KCNB2: variants seen among roughly 807,000 people sequenced by gnomAD.
KCNB2 encodes delayed rectifier potassium channel protein.
Under a neutral mutation model 61.5 loss-of-function variants are expected in KCNB2, and 15 were observed. That is an observed-to-expected ratio of 0.24 (90% CI 0.16 to 0.38). The LOEUF (loss-of-function observed/expected upper bound fraction) is 0.38, where lower values mean the gene tolerates loss of function less well. KCNB2 is among the 10% of genes least tolerant of loss of function. KCNB2 has a pLI of 1.00. For synonymous variants in KCNB2, 457 were observed against 446.0 expected, an observed-to-expected ratio of 1.02 and a Z score of -0.31; for missense variants, 828 against 1,125.2, an observed-to-expected ratio of 0.74 and a Z score of 3.78.
intron 2 of KCNB2, among the ~76,000 whole-genome samples, chr8:72,575,991 CTCTG>C (rs1563527860): frequency 6.6e-6 from 1 of 152,170 alleles, no homozygotes; most frequent in African/African-American, 2.4e-5. Context: ...AACAGAGAGA[CTCTG>C]TCTGTTTACC....
At chr8:72,601,915 C>T (rs1388558493) in intron 2 of KCNB2, among the ~76,000 whole-genome samples, 3 of 152,154 alleles carry the variant, frequency 2.0e-5, no homozygotes, top group Non-Finnish European at 2.9e-5. Flanking sequence ...GCTCCACAGG[C>T]CTGCACAAAT....
chr8:72,642,733 T>A (rs1231762795), intron 2 of KCNB2, among the ~76,000 whole-genome samples: 1 of 152,144 alleles, frequency 6.6e-6, no homozygotes, highest in Non-Finnish European at 1.5e-5. Context: ...AATAGTAAAA[T>A]GAGGGTAAAA....
At chr8:72,735,298 G>A (rs549857040) in intron 2 of KCNB2, among the ~76,000 whole-genome samples, 30 of 152,180 alleles carry the variant, frequency 2.0e-4, no homozygotes, top group Middle Eastern at 3.4e-3. Flanking sequence ...TAAGTATTGA[G>A]GCTTTTAAAA....
chr8:72,679,161 T>C (rs1312101070), intron 2 of KCNB2, among the ~76,000 whole-genome samples: 2 of 152,186 alleles, frequency 1.3e-5, no homozygotes, highest in East Asian at 1.9e-4. Context: ...GGGATTTAGA[T>C]TGAATATTTT....
chr8:72,913,031 G>A (rs1239680316), intron 2 of KCNB2, among the ~76,000 whole-genome samples: 3 of 152,122 alleles, frequency 2.0e-5, no homozygotes, highest in Non-Finnish European at 2.9e-5. Context: ...GTGAAAGGGG[G>A]TTTATCTTGA....
At chr8:72,739,804 G>A (rs1178998546) in intron 2 of KCNB2, among the ~76,000 whole-genome samples, 1 of 152,148 alleles carries the variant, frequency 6.6e-6, no homozygotes, top group Non-Finnish European at 1.5e-5. Flanking sequence ...AGTTCTATCA[G>A]TAGTACCATA....
At chr8:72,904,554 A>G (rs1806140964) in intron 2 of KCNB2, among the ~76,000 whole-genome samples, 2 of 152,178 alleles carry the variant, frequency 1.3e-5, no homozygotes, top group East Asian at 3.8e-4. Context: ...AGAACAAAAA[A>G]GAAATTATTT....
rs867099235 is a variant in KCNB2, at chr8:72,561,704, T to C, written c.-93-5938T>C. On this transcript the variant is annotated intron_variant, in intron 1 of 2. Transcript: ENST00000523207. ...AGGATCTTACTTTTATATATATATA[T>C]ATATATATATATATATATATATATC... Among the ~76,000 whole-genome samples the C allele has an allele frequency of 9.7e-3, 202 of 20,852 alleles. 8 individuals are homozygous for C. Among genetic ancestry groups the C allele is most frequent in the African/African-American group, 0.082 (169 of 2,064 alleles). 13.7% of individuals were successfully genotyped at this position (20,852 alleles called of 152,430 possible). A position where few individuals can be genotyped will look rare whatever the true frequency, so the allele number is the denominator to read the frequency against.
intron 2 of KCNB2, among the ~76,000 whole-genome samples, chr8:72,906,795 C>T (rs1456167811): frequency 6.6e-6 from 1 of 152,154 alleles, no homozygotes; most frequent in Non-Finnish European, 1.5e-5. Context: ...CCTTGTATTA[C>T]CTGTCCTTGT....
chr8:72,778,346 A>T (rs1170134131), intron 2 of KCNB2, among the ~76,000 whole-genome samples: 1 of 152,160 alleles, frequency 6.6e-6, no homozygotes, highest in Non-Finnish European at 1.5e-5. Flanking sequence ...TCGGTGCAGC[A>T]GTTACCTCAC....
chr8:72,780,007 T>G, intron 2 of KCNB2, among the ~76,000 whole-genome samples: 1 of 152,170 alleles, frequency 6.6e-6, no homozygotes. Flanking sequence ...TCTGGGTGGT[T>G]GCTCCCGATA....
chr8:72,544,178 T>C (rs2128976635), intron 1 of KCNB2, among the ~76,000 whole-genome samples: 1 of 152,286 alleles, frequency 6.6e-6, no homozygotes, highest in South Asian at 2.1e-4. Context: ...GAGAGCATTC[T>C]AGGCAGAAGG....
At chr8:72,622,993 G>C (rs1028652039) in intron 2 of KCNB2, among the ~76,000 whole-genome samples, 3 of 152,124 alleles carry the variant, frequency 2.0e-5, no homozygotes, top group African/African-American at 7.2e-5. Flanking sequence ...AAACAAGGGA[G>C]TGGGCCCCAA....
chr8:72,656,805 T>C lies in KCNB2; in HGVS notation c.579+88492T>C, dbSNP rs1806299610. The stretch of plus-strand genomic sequence containing the variant: ...CACATGCACCGTGGAACCTAGTTTT[T>C]TTTCAGTAGAGGTCATAGATTTCCT... On this transcript the variant is annotated intron_variant, in intron 2 of 2. Coordinates refer to ENST00000523207, the MANE Select transcript of KCNB2 (RefSeq NM_004770.3). Among the ~76,000 whole-genome samples, 4 of 152,162 alleles carry C rather than the reference T, an allele frequency of 2.6e-5. No individual in the cohort carries two copies. The South Asian group carries it at 8.3e-4, about 31-fold the overall frequency.
At chr8:72,620,065 A>T (rs1805692440) in intron 2 of KCNB2, among the ~76,000 whole-genome samples, 1 of 152,242 alleles carries the variant, frequency 6.6e-6, no homozygotes, top group Non-Finnish European at 1.5e-5. Flanking sequence ...AATATTTTGA[A>T]TATACTGTGG....
At chr8:72,607,574 T>C (rs1805472909) in intron 2 of KCNB2, among the ~76,000 whole-genome samples, 1 of 152,218 alleles carries the variant, frequency 6.6e-6, no homozygotes, top group South Asian at 2.1e-4. Flanking sequence ...AACATGTAAG[T>C]GTCTCTGTGC....
At chr8:72,723,252 A>G (rs1256020063) in intron 2 of KCNB2, among the ~76,000 whole-genome samples, 1 of 152,220 alleles carries the variant, frequency 6.6e-6, no homozygotes, top group Non-Finnish European at 1.5e-5. Flanking sequence ...TAAGTAGAAC[A>G]TCAGAATGAT....
chr8:72,867,242 C>A (rs1408089887), intron 2 of KCNB2, among the ~76,000 whole-genome samples: 3 of 152,216 alleles, frequency 2.0e-5, no homozygotes. Flanking sequence ...TATTGTGAAG[C>A]ATATGGCTTG....
At chr8:72,726,779 G>A (rs185736380) in intron 2 of KCNB2, among the ~76,000 whole-genome samples, 5 of 152,150 alleles carry the variant, frequency 3.3e-5, no homozygotes, top group African/African-American at 1.2e-4. Flanking sequence ...TTTGTTGGTT[G>A]TTGTTAATGA....
Sources: allele counts gnomAD v4.1 joint callset (sites outside exome capture counted in the v4.1 genomes callset), GRCh38; gene constraint gnomAD v4.1.1; transcripts MANE v1.5; gene names NCBI Gene and HGNC (gene_info 2026-07-23, HGNC 2026-07-21).